The following UNC13C variants were observed in gnomAD, a reference collection of about 807,000 sequenced individuals.
The protein encoded by UNC13C is protein unc-13 homolog C.
UNC13C carries 174 observed loss-of-function variants against 245.4 expected under a neutral mutation model. The ratio of observed to expected loss-of-function variants is 0.71; its 90% CI spans 0.63 to 0.80. The LOEUF is 0.80. UNC13C is among the 30% of genes least tolerant of loss of function. UNC13C has a pLI of 0.00. For missense variants in UNC13C, 2,829 were observed against 2,602.9 expected, an observed-to-expected ratio of 1.09 and a Z score of -1.89; for synonymous variants, 992 against 895.1, an observed-to-expected ratio of 1.11 and a Z score of -1.93.
chr15:54,110,139 G>A (rs1414524548), intron 2 of UNC13C, among the ~76,000 whole-genome samples: 1 of 151,902 alleles, frequency 6.6e-6, no homozygotes, highest in Admixed American at 6.6e-5. Context: ...AATTAGCCAG[G>A]CCTGGTAGCA....
the UNC13C span, among the ~76,000 whole-genome samples, chr15:53,944,584 A>G: frequency 5.1e-4 from 77 of 152,340 alleles, no homozygotes; most frequent in African/African-American, 1.7e-3. Flanking sequence ...TGCAAAGGAC[A>G]TGATATCATT....
intron 17 of UNC13C, among the ~76,000 whole-genome samples, chr15:54,340,414 C>T (rs1014896859): frequency 1.3e-5 from 2 of 152,102 alleles, no homozygotes; most frequent in African/African-American, 2.4e-5. Context: ...TTTTATAGTT[C>T]GAGGTCTTAG....
intron 19 of UNC13C, among the ~76,000 whole-genome samples, chr15:54,455,860 G>A (rs762317593): frequency 2.0e-5 from 3 of 152,022 alleles, no homozygotes; most frequent in Non-Finnish European, 4.4e-5. Context: ...TTGTGCAGAA[G>A]CTTTTTAATT....
At chr15:54,087,869 C>T (rs1899332258) in intron 2 of UNC13C, among the ~76,000 whole-genome samples, 1 of 152,088 alleles carries the variant, frequency 6.6e-6, no homozygotes, top group Admixed American at 6.5e-5. Flanking sequence ...CAATAATTTC[C>T]ACTTCTAACC....
chr15:54,415,620 T>C (rs1384919193), intron 19 of UNC13C, among the ~76,000 whole-genome samples: 1 of 152,168 alleles, frequency 6.6e-6, no homozygotes, highest in Non-Finnish European at 1.5e-5. Flanking sequence ...GATAGAACCA[T>C]AGACCTGGTT....
chr15:54,626,707 C>T (rs1478399518), intron 32 of UNC13C, 121 bp from the exon 33 acceptor site: 1 of 889,998 alleles, frequency 1.1e-6, no homozygotes, highest in Admixed American at 2.9e-5. Flanking sequence ...ACACTGATAT[C>T]CTATTTGCCA....
At chr15:53,923,077 G>A in the UNC13C span, among the ~76,000 whole-genome samples, 4 of 152,140 alleles carry the variant, frequency 2.6e-5, no homozygotes, top group Non-Finnish European at 4.4e-5. Context: ...GCATTTATAT[G>A]TTTGTTAATT....
chr15:54,214,194 A>C (rs4259996), intron 4 of UNC13C, among the ~76,000 whole-genome samples: 139,679 of 151,752 alleles, frequency 0.92, 64,658 homozygotes, highest in Non-Finnish European at 0.98. Context: ...ATGAGACAAC[A>C]ACGGAATAAC....
At chr15:54,619,007 A>C (rs187557481) in intron 30 of UNC13C, among the ~76,000 whole-genome samples, 26 of 152,304 alleles carry the variant, frequency 1.7e-4, no homozygotes, top group Admixed American at 1.2e-3. Context: ...TTAATGTAAA[A>C]GTCTTTTTAA....
intron 2 of UNC13C, among the ~76,000 whole-genome samples, chr15:54,116,432 C>T (rs1387007911): frequency 1.3e-5 from 2 of 152,092 alleles, no homozygotes; most frequent in Non-Finnish European, 2.9e-5. Context: ...AACCTCTTCC[C>T]CCATACCCTT....
downstream of UNC13C, chr15:54,630,410 A>G (rs910345846): frequency 7.2e-5 from 11 of 152,218 alleles, no homozygotes; most frequent in African/African-American, 2.7e-4. Context: ...TGCGTGAAAC[A>G]AGATTTTCTC....
At position 54,014,660 on chromosome 15, in the gene UNC13C, T is replaced by C; in HGVS notation, c.1757T>C (p.Leu586Pro). ...CTCCTGTCATCTTCGGACCGGGAGC[T>C]ATGGCAGAGGAAACAGGAAGGAACA... ...SSLLSSSDRE[L>P]WQRKQEGTAT... The change falls in exon 2 of 33, where the codon CTA becomes CCA. Residue 586 changes from leucine (L) to proline (P), a missense_variant. Leu to Pro is a moderately conservative substitution (Grantham distance 98). Coordinates refer to ENST00000260323, the MANE Select transcript of UNC13C (RefSeq NM_001080534.3). 6.2e-7 allele frequency: 1 copy of C among 1,613,670 alleles called. No homozygotes were observed. The highest frequency in any genetic ancestry group is 8.5e-7 in the Non-Finnish European group (1 of 1,179,816).
rs115238964 is a variant in UNC13C, at chr15:54,621,093, A to T, written c.6107-1234A>T. Among the ~76,000 whole-genome samples, 1,200 of 152,244 alleles carry T rather than the reference A, an allele frequency of 7.9e-3. 17 individuals carry two copies. The highest frequency in any genetic ancestry group is 0.028 in the African/African-American group (1,158 of 41,560). On this transcript the variant is annotated intron_variant, in intron 30 of 32. Transcript: ENST00000260323. The stretch of plus-strand genomic sequence containing the variant: ...GCCAAGGAGAGAGGCCCTTGTGGTG[A>T]ATTGCCTCATCTCAGCAGGTTCTCT...
chr15:54,507,661 T>C (rs1483305635), intron 23 of UNC13C, among the ~76,000 whole-genome samples: 1 of 152,032 alleles, frequency 6.6e-6, no homozygotes, highest in Non-Finnish European at 1.5e-5. Flanking sequence ...TTTTAGATGA[T>C]TGAGAAAATA....
the UNC13C span, among the ~76,000 whole-genome samples, chr15:53,941,750 A>T: frequency 6.6e-6 from 1 of 152,246 alleles, no homozygotes; most frequent in Admixed American, 6.5e-5. Context: ...TAGGCAAAGG[A>T]TATGAACAGA....
chr15:54,465,749 T>C lies in UNC13C; in HGVS notation c.4934-28859T>C, dbSNP rs186075308. On this transcript the variant is annotated intron_variant, in intron 19 of 32. Transcript: ENST00000260323. ...GGCTAACAGGATTGGGGATACATAA[T>C]GAGGATTAGACTTTGGAATTCAGAA... 7.8e-4 allele frequency among the ~76,000 whole-genome samples: 119 copies of C among 152,088 alleles called. 1 individual carries two copies. Among genetic ancestry groups the C allele is most frequent in the Non-Finnish European group, 3.2e-4 (22 of 67,874 alleles).
At chr15:53,870,054 T>G in the UNC13C span, among the ~76,000 whole-genome samples, 15 of 152,216 alleles carry the variant, frequency 9.9e-5, no homozygotes, top group Non-Finnish European at 2.2e-4. Flanking sequence ...TATAACTTCA[T>G]TTTAAAGTTT....
At chr15:54,481,510 G>A (rs1400271004) in intron 19 of UNC13C, among the ~76,000 whole-genome samples, 1 of 152,196 alleles carries the variant, frequency 6.6e-6, no homozygotes, top group Non-Finnish European at 1.5e-5. Flanking sequence ...CAGTCGGCAG[G>A]TGGGTTGGAT....
intron 2 of UNC13C, among the ~76,000 whole-genome samples, chr15:54,106,130 T>G (rs1361579711): frequency 6.6e-6 from 1 of 152,222 alleles, no homozygotes; most frequent in Non-Finnish European, 1.5e-5. Flanking sequence ...CTTAACTTAT[T>G]AAGCAGATTT....
Sources: allele counts gnomAD v4.1 joint callset (sites outside exome capture counted in the v4.1 genomes callset), GRCh38; gene constraint gnomAD v4.1.1; transcripts MANE v1.5; gene names NCBI Gene and HGNC (gene_info 2026-07-23, HGNC 2026-07-21).